Variants in GALR1 observed in about 807,000 individuals in gnomAD.
GALR1 encodes the protein galanin receptor type 1.
A neutral mutation model predicts 17.9 loss-of-function variants in GALR1; 11 were observed. The observed-to-expected ratio is 0.62, with a 90% CI of 0.39 to 1.02. GALR1 has a LOEUF of 1.02. Ranked by LOEUF, GALR1 falls within the 50% of genes least tolerant of loss-of-function variation. GALR1 has a pLI of 0.01. For synonymous variants in GALR1, 206 were observed against 205.7 expected (o/e 1.00, Z -0.01); for missense variants, 441 against 456.9 (o/e 0.97, Z 0.32).
intron 2 of GALR1, among the ~76,000 whole-genome samples, chr18:77,262,806 A>G (rs1398169783): frequency 6.6e-6 from 1 of 152,252 alleles, no homozygotes; most frequent in Admixed American, 6.5e-5. Flanking sequence ...TTTATGTTGC[A>G]AACTGTAATT....
In GALR1 at chr18:77,269,057, A is replaced by C. The variant is rs966661395; in HGVS notation, c.*155A>C. On this transcript the variant is annotated 3_prime_UTR_variant, in exon 3 of 3. Transcript: ENST00000299727. ...CCCACGTGTGTTAAAAAGTACTTTG[A>C]TCCATTTAGGAAATTCCTAGGTCTA... 4 of 625,828 alleles carry C rather than the reference A, an allele frequency of 6.4e-6. No homozygotes were observed. The African/African-American group carries it at 7.4e-5, about 12-fold the overall frequency. The allele number at this position is 625,828 out of a possible 1,614,324, so 38.8% of individuals were successfully genotyped here.
intron 2 of GALR1, 100 bp from the exon 3 acceptor site, chr18:77,268,485 C>A: frequency 1.3e-6 from 1 of 790,780 alleles, no homozygotes; most frequent in Non-Finnish European, 2.1e-6. Context: ...TTTTAAAATG[C>A]TGGATTCCTT....
Position 77,259,733 on chromosome 18 carries a change from G to A in GALR1, c.732+3510G>A, listed in dbSNP as rs191314616. ...GATGGTAATGGTGGTGGTGGTATGT[G>A]TGTGTCTAAGAAAGAGATGGGAGAG... On this transcript the variant is annotated intron_variant, in intron 2 of 2. Transcript: ENST00000299727. Among the ~76,000 whole-genome samples, 12 of 152,002 alleles carry A rather than the reference G, an allele frequency of 7.9e-5. No homozygotes were observed. The East Asian group carries it at 2.3e-3, about 29-fold the overall frequency.
chr18:77,258,147 G>A (rs1329985865), intron 2 of GALR1, among the ~76,000 whole-genome samples: 1 of 152,024 alleles, frequency 6.6e-6, no homozygotes, highest in African/African-American at 2.4e-5. Context: ...AAAGATCAGT[G>A]ATTAGTTCAG....
At chr18:77,258,618 G>GTCA (rs1785362895) in intron 2 of GALR1, among the ~76,000 whole-genome samples, 1 of 138,688 alleles carries the variant, frequency 7.2e-6, no homozygotes, top group African/African-American at 2.7e-5. Context: ...GGTGATGGTG[G>GTCA]TGGTGGTGAT....
intron 1 of GALR1, among the ~76,000 whole-genome samples, chr18:77,255,388 T>C (rs766926638): frequency 1.4e-4 from 22 of 152,206 alleles, no homozygotes; most frequent in Admixed American, 6.5e-4. Context: ...GTCAGTGTGT[T>C]TCAAGGAGAT....
intron 2 of GALR1, among the ~76,000 whole-genome samples, chr18:77,268,036 A>T (rs1912979905): frequency 3.3e-5 from 5 of 152,252 alleles, no homozygotes; most frequent in Admixed American, 2.6e-4. Flanking sequence ...AGCAAAAGGG[A>T]CTAATTCGGT....
At position 77,251,069 on chromosome 18, in the gene GALR1, AG is replaced by A. The variant is rs1912398221; in HGVS notation, c.524del (p.Gly175AlafsTer57). 1.2e-6 allele frequency: 2 copies of A among 1,609,388 alleles called. No homozygotes were observed. The highest frequency in any genetic ancestry group is 1.7e-6 in the Non-Finnish European group (2 of 1,179,874). On this transcript the variant is annotated frameshift_variant, in exon 1 of 3. Transcript: ENST00000299727. LOFTEE classifies it high-confidence loss of function. ...IAMASPVAYH[Q>X]GLFHPRASNQ... ...ATGGCCTCGCCCGTGGCCTACCACCAGGGCCTCTTCCACCCGCGCGCCAGCA... is the reference window on the plus strand; with the variant it reads ...ATGGCCTCGCCCGTGGCCTACCACCAGGCCTCTTCCACCCGCGCGCCAGCA...
rs1913037170 is a variant in GALR1, at chr18:77,270,291, A to T, written c.*1389A>T. The T allele has an allele frequency of 6.6e-6, 1 of 152,192 alleles. No homozygotes were observed. Among genetic ancestry groups the T allele is most frequent in the Non-Finnish European group, 1.5e-5 (1 of 68,046 alleles). The allele number at this position is 152,192 out of a possible 1,614,324, so 9.4% of individuals were successfully genotyped here. A position where few individuals can be genotyped will look rare whatever the true frequency, so the allele number is the denominator to read the frequency against. On this transcript the variant is annotated 3_prime_UTR_variant, in exon 3 of 3. Coordinates refer to ENST00000299727, the MANE Select transcript of GALR1 (RefSeq NM_001480.4). The stretch of plus-strand genomic sequence containing the variant: ...ACTTTGGGAGGTCCAGCTGTGTGGA[A>T]TGTACTTGAGCTCAGGAGTTTGAGA...
rs192795946 is a variant in GALR1, at chr18:77,270,828, G to T, written c.*1926G>T. ...AAATTGTGTTTATGTGTAAGTGAGG[G>T]TCTTAAAGAATATGTCCTTTGCATC... On this transcript the variant is annotated 3_prime_UTR_variant, in exon 3 of 3. Transcript: ENST00000299727. 5.9e-5 allele frequency: 9 copies of T among 152,256 alleles called. No individual in the cohort carries two copies. The highest frequency in any genetic ancestry group is 1.2e-4 in the Non-Finnish European group (8 of 68,022). The allele number at this position is 152,256 out of a possible 1,614,324, so 9.4% of individuals were successfully genotyped here. A position where few individuals can be genotyped will look rare whatever the true frequency, so the allele number is the denominator to read the frequency against.
chr18:77,252,085 G>A (rs1912431861), intron 1 of GALR1, among the ~76,000 whole-genome samples: 1 of 152,218 alleles, frequency 6.6e-6, no homozygotes, highest in South Asian at 2.1e-4. Context: ...GTCCACGCGT[G>A]TGGGAGATAG....
rs1470683876 is a variant in GALR1 at position 77,271,443 on chromosome 18, G to C, written c.*2541G>C. On this transcript the variant is annotated 3_prime_UTR_variant, in exon 3 of 3. Coordinates refer to ENST00000299727, the MANE Select transcript of GALR1 (RefSeq NM_001480.4). ...GATCTAAACCTCTACAAAATTTTCT[G>C]AATAAAGAGTTTCAGAAGAACTCGT... The C allele has an allele frequency of 1.3e-5, 2 of 152,096 alleles. No individual in the cohort carries two copies. The highest frequency in any genetic ancestry group is 2.9e-5 in the Non-Finnish European group (2 of 68,016). 9.4% of individuals were successfully genotyped at this position (152,096 alleles called of 1,614,324 possible).
At position 77,268,773 on chromosome 18, in the gene GALR1, T is replaced by A; in HGVS notation, c.921T>A (p.Ser307=). ...ATCCTATCATTTATGCATTTCTCTC[T>A]GAAAATTTCAGGAAGGCCTATAAAC... The part of the protein sequence containing the change: ...SVNPIIYAFL[S]ENFRKAYKQV... The change falls in exon 3 of 3, where the codon TCT becomes TCA. Residue 307 remains serine, a synonymous_variant. Transcript: ENST00000299727. 1 of 1,614,136 alleles carries A rather than the reference T, an allele frequency of 6.2e-7. No individual in the cohort carries two copies. The highest frequency in any genetic ancestry group is 8.5e-7 in the Non-Finnish European group (1 of 1,179,994).
intron 2 of GALR1, among the ~76,000 whole-genome samples, chr18:77,258,702 A>AC (rs1912677978): frequency 1.6e-4 from 1 of 6,280 alleles, no homozygotes; most frequent in South Asian, 6.8e-3. Flanking sequence ...GGTGGTGGTC[A>AC]TGTGATGGTG....
intron 1 of GALR1, 85 bp from the exon 2 acceptor site, chr18:77,256,073 C>T: frequency 1.4e-6 from 1 of 735,016 alleles, no homozygotes; most frequent in South Asian, 1.6e-5. Flanking sequence ...GTTACCATTT[C>T]AGCATGTCAA....
At chr18:77,256,031 G>A in intron 1 of GALR1, 127 bp from the exon 2 acceptor site, 2 of 629,650 alleles carry the variant, frequency 3.2e-6, no homozygotes, top group East Asian at 2.7e-5. Flanking sequence ...CCTAATTTGA[G>A]TTTTTATTTT....
rs1352439387 is a variant in GALR1 at position 77,258,618 on chromosome 18, G to GTGGTGGTGA, written c.732+2413_732+2421dup. Among the ~76,000 whole-genome samples the GTGGTGGTGA allele has an allele frequency of 1.2e-4, 16 of 138,726 alleles. No individual in the cohort carries two copies. The East Asian group carries it at 1.8e-3, about 16-fold the overall frequency. 91.0% of individuals were successfully genotyped at this position (138,726 alleles called of 152,430 possible). On this transcript the variant is annotated intron_variant, in intron 2 of 2. Coordinates refer to ENST00000299727, the MANE Select transcript of GALR1 (RefSeq NM_001480.4). ...GGTGGTGGTCATGGTGGTGATGGTGGTGGTGGTGATGGTGGTGATGGTGGT... is the reference window on the plus strand; with the variant it reads ...GGTGGTGGTCATGGTGGTGATGGTGGTGGTGGTGATGGTGGTGATGGTGGTGATGGTGGT...
At chr18:77,264,094 A>G (rs1912891961) in intron 2 of GALR1, among the ~76,000 whole-genome samples, 1 of 126,456 alleles carries the variant, frequency 7.9e-6, no homozygotes, top group African/African-American at 2.9e-5. Context: ...AGATTGTGCC[A>G]CTGCACTCCA....
chr18:77,268,605 G>T lies in GALR1; in HGVS notation c.753G>T (p.Val251=). The change falls in exon 3 of 3, where the codon GTG becomes GTT. Residue 251 remains valine, a synonymous_variant. Transcript: ENST00000299727. ...SKKKTAQTVL[V]VVVVFGISWL... is the part of the protein sequence containing the mutation. ...TCTAGACTGCACAGACAGTTCTGGTGGTGGTTGTGGTGTTTGGAATCTCCT... is the reference window on the plus strand; with the variant it reads ...TCTAGACTGCACAGACAGTTCTGGTTGTGGTTGTGGTGTTTGGAATCTCCT... 6.2e-7 allele frequency: 1 copy of T among 1,613,896 alleles called. No homozygotes were observed. Among genetic ancestry groups the T allele is most frequent in the Non-Finnish European group, 8.5e-7 (1 of 1,179,934 alleles).
Sources: allele counts gnomAD v4.1 joint callset (sites outside exome capture counted in the v4.1 genomes callset), GRCh38; gene constraint gnomAD v4.1.1; transcripts MANE v1.5; gene names NCBI Gene and HGNC (gene_info 2026-07-23, HGNC 2026-07-21).